The following SPMIP11 variants were observed in gnomAD, a reference collection of about 807,000 sequenced individuals.
SPMIP11 encodes sperm microtubule inner protein 11.
At chr12:48,739,166 T>C in the SPMIP11 span, among the ~76,000 whole-genome samples, 1 of 152,146 alleles carries the variant, frequency 6.6e-6, no homozygotes, top group Admixed American at 6.6e-5. Flanking sequence ...CAGTGATTAC[T>C]CACCTCAAAT....
the SPMIP11 span, among the ~76,000 whole-genome samples, chr12:48,743,442 G>A: frequency 9.9e-5 from 15 of 152,082 alleles, 1 homozygote; most frequent in African/African-American, 3.4e-4. Flanking sequence ...AAAATTGCAG[G>A]TACATGGTAA....
the SPMIP11 span, among the ~76,000 whole-genome samples, chr12:48,746,164 C>G: frequency 6.6e-6 from 1 of 152,142 alleles, no homozygotes; most frequent in East Asian, 1.9e-4. Flanking sequence ...AACAGAAGTC[C>G]TAAACTGCTG....
the SPMIP11 span, among the ~76,000 whole-genome samples, chr12:48,764,213 T>C: frequency 6.6e-6 from 1 of 152,086 alleles, no homozygotes. Flanking sequence ...GGTCTCGAAC[T>C]CCCGACCTCA....
chr12:48,768,937 C>T, the SPMIP11 span: 2 of 1,608,748 alleles, frequency 1.2e-6, no homozygotes, highest in Non-Finnish European at 1.7e-6. Context: ...TCCCCCTCAC[C>T]TGGATTCGGT....
At chr12:48,727,597 T>G in the SPMIP11 span, 2 of 700,104 alleles carry the variant, frequency 2.9e-6, no homozygotes, top group East Asian at 5.4e-5. Flanking sequence ...GAAGGGCCAC[T>G]TCTTTACCTA....
At chr12:48,759,411 GGGCTTGGT>G in the SPMIP11 span, 1 of 676,126 alleles carries the variant, frequency 1.5e-6, no homozygotes, top group Non-Finnish European at 2.7e-6. Flanking sequence ...GGATGAGGCC[GGGCTTGGT>G]GGCTCATGTC....
At chr12:48,728,951 C>A in the SPMIP11 span, among the ~76,000 whole-genome samples, 12 of 152,256 alleles carry the variant, frequency 7.9e-5, no homozygotes, top group South Asian at 1.7e-3. Flanking sequence ...GTGAGCAGAT[C>A]TACATTAGAT....
the SPMIP11 span, chr12:48,771,441 T>G: frequency 5.2e-6 from 3 of 578,326 alleles, no homozygotes; most frequent in Non-Finnish European, 9.4e-6. This position sits in a 1 kb window ranked among gnomAD's most constrained non-coding sequence, Gnocchi z 4.3. Context: ...TTCAGTGACA[T>G]CCACCTGGTA....
At chr12:48,764,977 T>G in the SPMIP11 span, 3 of 702,680 alleles carry the variant, frequency 4.3e-6, no homozygotes, top group Non-Finnish European at 2.6e-6. Flanking sequence ...CATTGTCTCA[T>G]AAAAAGCGCG....
the SPMIP11 span, among the ~76,000 whole-genome samples, chr12:48,761,612 T>TAAAA: frequency 8.7e-6 from 1 of 115,558 alleles, no homozygotes; most frequent in South Asian, 2.7e-4. Flanking sequence ...ACCCTGTCTT[T>TAAAA]AAAAAAAAAA....
chr12:48,769,145 G>T, the SPMIP11 span: 1 of 1,358,422 alleles, frequency 7.4e-7, no homozygotes, highest in Non-Finnish European at 9.7e-7. Context: ...ACTGGTAGAA[G>T]GACCCAGAGA....
At chr12:48,764,985 G>C in the SPMIP11 span, 1 of 702,840 alleles carries the variant, frequency 1.4e-6, no homozygotes. Context: ...CATAAAAAGC[G>C]CGATGACCAG....
the SPMIP11 span, among the ~76,000 whole-genome samples, chr12:48,770,028 T>C: frequency 6.6e-6 from 1 of 151,564 alleles, no homozygotes; most frequent in Non-Finnish European, 1.5e-5. Flanking sequence ...CCCAAAGTGC[T>C]GGGATTACAG....
At chr12:48,746,253 A>C in the SPMIP11 span, among the ~76,000 whole-genome samples, 1 of 152,188 alleles carries the variant, frequency 6.6e-6, no homozygotes, top group Non-Finnish European at 1.5e-5. Context: ...CCAACATCTA[A>C]AAATCCAGAG....
At chr12:48,731,429 T>C in the SPMIP11 span, among the ~76,000 whole-genome samples, 1 of 151,696 alleles carries the variant, frequency 6.6e-6, no homozygotes, top group African/African-American at 2.4e-5. Context: ...AGGCGGAGCT[T>C]GCAGTGAGCC....
chr12:48,753,712 T>A, the SPMIP11 span, among the ~76,000 whole-genome samples: 11 of 140,558 alleles, frequency 7.8e-5, no homozygotes, highest in Admixed American at 7.8e-4. Context: ...TTTTTTTTTT[T>A]CTTTTTTTGG....
chr12:48,756,021 G>GC, the SPMIP11 span, among the ~76,000 whole-genome samples: 17 of 151,476 alleles, frequency 1.1e-4, no homozygotes, highest in African/African-American at 4.1e-4. Context: ...GGGACTACAG[G>GC]CCCCTGCCAC....
At chr12:48,739,526 G>T in the SPMIP11 span, among the ~76,000 whole-genome samples, 2 of 152,122 alleles carry the variant, frequency 1.3e-5, no homozygotes, top group African/African-American at 4.8e-5. Context: ...TAATTATAAA[G>T]AAAAGATGTT....
the SPMIP11 span, chr12:48,765,921 C>T: frequency 2.2e-6 from 1 of 446,498 alleles, no homozygotes; most frequent in Non-Finnish European, 4.0e-6. Context: ...CTGTGAGGGG[C>T]CAAGGCACTG....
Sources: gnomAD v4.1 joint callset for allele counts (sites outside exome capture counted in the v4.1 genomes callset) on GRCh38, gnomAD v4.1.1 for gene constraint, Gnocchi (gnomAD v3.1) non-coding constraint, MANE v1.5 for transcripts, NCBI Gene and HGNC (gene_info 2026-07-23, HGNC 2026-07-21) for gene names.